RIPOR2: variants seen among roughly 807,000 people sequenced by gnomAD.
The protein encoded by RIPOR2 is rho family-interacting cell polarization regulator 2.
RIPOR2 carries 39 observed loss-of-function variants against 114.5 expected under a neutral mutation model. That is an observed-to-expected ratio of 0.34 (90% CI 0.26 to 0.44). The LOEUF (loss-of-function observed/expected upper bound fraction) is 0.44. Among genes scored for constraint, RIPOR2 ranks in the 20% least tolerant of loss-of-function variants. The probability of loss-of-function intolerance (pLI) is 1.00; values close to 1 mark genes in which losing one functional copy is unlikely to be tolerated. For missense variants in RIPOR2, 1,007 were observed against 1,255.1 expected (o/e 0.80, Z 2.99); for synonymous variants, 445 against 484.4 (o/e 0.92, Z 1.07).
intron 1 of RIPOR2, among the ~76,000 whole-genome samples, chr6:24,974,079 T>A (rs945824024): frequency 6.6e-6 from 1 of 152,150 alleles, no homozygotes; most frequent in African/African-American, 2.4e-5. Context: ...ATCCTGCACA[T>A]GTGCTCGTTG....
chr6:25,019,774 CAAAAAAAAAA>C (rs34107737), intron 1 of RIPOR2, among the ~76,000 whole-genome samples: 3 of 53,122 alleles, frequency 5.6e-5, no homozygotes, highest in African/African-American at 8.8e-5. Context: ...GACTCTGTCT[CAAAAAAAAAA>C]AAAAAAAAAA....
intron 14 of RIPOR2, among the ~76,000 whole-genome samples, chr6:24,837,910 T>C (rs1761260917): frequency 6.6e-6 from 1 of 152,228 alleles, no homozygotes; most frequent in African/African-American, 2.4e-5. Context: ...CATAGCTTGC[T>C]GTAACTTGAA....
Position 24,948,538 on chromosome 6 carries a change from T to TTC in RIPOR2, c.77-72722_77-72721insGA, listed in dbSNP as rs1189057774. Among the ~76,000 whole-genome samples, 625 of 148,106 alleles carry TTC rather than the reference T, an allele frequency of 4.2e-3. 2 individuals carry two copies. The highest frequency in any genetic ancestry group is 7.1e-3 in the Non-Finnish European group (475 of 66,796). ...TGCTATTTCTTTCTTTCTTTCTTTT[T>TTC]TTTTTTTTTTGAGATGGAGTTTCGC... On this transcript the variant is annotated intron_variant, in intron 1 of 13. Transcript: ENST00000510784.
chr6:25,039,964 A>G (rs1777395523), intron 1 of RIPOR2, among the ~76,000 whole-genome samples: 2 of 152,214 alleles, frequency 1.3e-5, no homozygotes. Context: ...CTTGCCTCCG[A>G]AACTAGTAGA....
At chr6:24,826,419 A>T (rs1760188217) in intron 18 of RIPOR2, among the ~76,000 whole-genome samples, 1 of 152,220 alleles carries the variant, frequency 6.6e-6, no homozygotes, top group Non-Finnish European at 1.5e-5. Context: ...CAAATGGAAA[A>T]ATAAAAGCCA....
At chr6:25,002,093 T>C (rs958900746) in intron 1 of RIPOR2, among the ~76,000 whole-genome samples, 2 of 152,152 alleles carry the variant, frequency 1.3e-5, no homozygotes, top group Non-Finnish European at 2.9e-5. Context: ...GCAAATGAGG[T>C]TGGCTATGTT....
chr6:24,941,070 A>C (rs1772106632), intron 1 of RIPOR2, among the ~76,000 whole-genome samples: 1 of 152,128 alleles, frequency 6.6e-6, no homozygotes, highest in Admixed American at 6.5e-5. Context: ...AGCCTTTAGA[A>C]GTCTTCCTGC....
intron 1 of RIPOR2, among the ~76,000 whole-genome samples, chr6:24,981,517 AG>A (rs1774295907): frequency 6.6e-6 from 1 of 152,212 alleles, no homozygotes; most frequent in South Asian, 2.1e-4. Flanking sequence ...TATGCTAGCC[AG>A]CTAGGCCTTT....
At chr6:25,035,113 T>C (rs149628039) in intron 1 of RIPOR2, among the ~76,000 whole-genome samples, 165 of 152,314 alleles carry the variant, frequency 1.1e-3, no homozygotes, top group African/African-American at 3.8e-3. Flanking sequence ...TTCTCTGTAA[T>C]TGGCAGAGCT....
intron 1 of RIPOR2, among the ~76,000 whole-genome samples, chr6:24,996,519 A>G (rs9393604): frequency 6.6e-6 from 1 of 152,138 alleles, no homozygotes; most frequent in South Asian, 2.1e-4. Context: ...CTCTTCATGA[A>G]TGGCCTTATG....
intron 12 of RIPOR2, among the ~76,000 whole-genome samples, chr6:24,845,542 T>A (rs956867887): frequency 6.6e-6 from 1 of 152,062 alleles, no homozygotes; most frequent in African/African-American, 2.4e-5. Flanking sequence ...GGATTCTTAT[T>A]CAAATTCCAA....
intron 1 of RIPOR2, among the ~76,000 whole-genome samples, chr6:24,905,898 G>T (rs1245369876): frequency 6.6e-6 from 1 of 152,214 alleles, no homozygotes; most frequent in Non-Finnish European, 1.5e-5. Context: ...TGAAGAGAAT[G>T]GAGTCATTGT....
At chr6:24,872,757 G>A in intron 4 of RIPOR2, 124 bp downstream of exon 4, 1 of 609,938 alleles carries the variant, frequency 1.6e-6, no homozygotes, top group African/African-American at 1.8e-5. Flanking sequence ...ACTGGGGGAT[G>A]CAGATAGTAC....
intron 1 of RIPOR2, among the ~76,000 whole-genome samples, chr6:24,930,825 G>A (rs216260): frequency 6.6e-6 from 1 of 152,060 alleles, no homozygotes; most frequent in Non-Finnish European, 1.5e-5. Context: ...GGAAACTAGG[G>A]CAGCCTCTTT....
chr6:24,998,826 T>C (rs1415314552), intron 1 of RIPOR2, among the ~76,000 whole-genome samples: 1 of 152,002 alleles, frequency 6.6e-6, no homozygotes, highest in African/African-American at 2.4e-5. Flanking sequence ...TCAATGAGAG[T>C]TGACAATGGC....
In RIPOR2 at chr6:24,903,620, G is replaced by A. The variant is rs976785886; in HGVS notation, c.62-27803C>T. ...CTTATTTATTTTTTAGTTTTTATGGGTACACAGTAGGTGTGTATATTTAGG... is the reference window on the plus strand; with the variant it reads ...CTTATTTATTTTTTAGTTTTTATGGATACACAGTAGGTGTGTATATTTAGG... On this transcript the variant is annotated intron_variant, in intron 1 of 21. Transcript: ENST00000643898. Among the ~76,000 whole-genome samples the A allele has an allele frequency of 3.3e-5, 5 of 151,642 alleles. No homozygotes were observed. The South Asian group carries it at 8.3e-4, about 25-fold the overall frequency.
chr6:24,982,451 C>T (rs1024957718), intron 1 of RIPOR2, among the ~76,000 whole-genome samples: 2 of 152,130 alleles, frequency 1.3e-5, no homozygotes, highest in East Asian at 3.8e-4. Context: ...GTAACTATTG[C>T]CCTAGTAAGA....
intron 5 of RIPOR2, among the ~76,000 whole-genome samples, chr6:24,870,243 A>C (rs1325395043): frequency 6.6e-6 from 1 of 152,180 alleles, no homozygotes; most frequent in Non-Finnish European, 1.5e-5. Context: ...GATTTGATGA[A>C]GTATAGTAAT....
intron 1 of RIPOR2, among the ~76,000 whole-genome samples, chr6:25,005,037 C>T (rs1236548577): frequency 1.3e-5 from 2 of 150,958 alleles, no homozygotes; most frequent in Non-Finnish European, 2.9e-5. Flanking sequence ...ACACACTCTG[C>T]TGTGTCATCC....
Sources: allele counts gnomAD v4.1 joint callset (sites outside exome capture counted in the v4.1 genomes callset), GRCh38; gene constraint gnomAD v4.1.1; transcripts MANE v1.5; gene names NCBI Gene and HGNC (gene_info 2026-07-23, HGNC 2026-07-21).